ZNF738: variants seen among roughly 807,000 people sequenced by gnomAD.
ZNF738 encodes zinc finger protein 738, also known as protein ZNF738.
ZNF738 carries 10 observed loss-of-function variants against 9.2 expected under a neutral mutation model. The observed-to-expected ratio is 1.09, with a 90% CI of 0.67 to 1.85. ZNF738 has a LOEUF of 1.85. ZNF738 is among the 40% of genes most tolerant of loss of function. The pLI, the probability that ZNF738 is intolerant of heterozygous loss-of-function variation, is 0.00. For missense variants in ZNF738, 346 were observed against 283.6 expected (o/e 1.22, Z -1.58); for synonymous variants, 113 against 94.5 (o/e 1.20, Z -1.14).
chr19:21,363,554 A>G (rs1828062127), intron 2 of ZNF738, among the ~76,000 whole-genome samples: 1 of 152,168 alleles, frequency 6.6e-6, no homozygotes, highest in African/African-American at 2.4e-5. Context: ...GGCAGTTTCT[A>G]GACTTTGTAA....
intron 2 of ZNF738, among the ~76,000 whole-genome samples, chr19:21,362,534 A>G (rs1395246264): frequency 6.6e-6 from 1 of 152,184 alleles, no homozygotes; most frequent in Non-Finnish European, 1.5e-5. Flanking sequence ...TTGAAACGTG[A>G]GTCAGACACA....
rs764405024 is a variant in ZNF738 at position 21,361,720 on chromosome 19, T to TAG, written c.4-43_4-42dup. The stretch of plus-strand genomic sequence containing the variant: ...AGATATCTGCCATGGTTATGTCAGC[T>TAG]AGAGTGTCTAGTGGATATCAGCTTC... On this transcript the variant is annotated intron_variant, in intron 1 of 4. Transcript: ENST00000683779. The TAG allele has an allele frequency of 1.8e-4, 141 of 776,114 alleles. 2 individuals carry two copies. In the South Asian group the frequency reaches 1.9e-3, roughly 10 times the overall value. 48.1% of individuals were successfully genotyped at this position (776,114 alleles called of 1,614,324 possible). A position where few individuals can be genotyped will look rare whatever the true frequency, so the allele number is the denominator to read the frequency against.
intron 4 of ZNF738, chr19:21,381,518 G>T (rs1424612559): frequency 1.6e-5 from 14 of 865,392 alleles, no homozygotes; most frequent in Middle Eastern, 3.6e-4. Flanking sequence ...TTTCGAGATG[G>T]AGTCTCATTC....
In ZNF738 at chr19:21,388,505, CTAG is replaced by C. The variant is rs1339420857; in HGVS notation, c.*4837_*4839del. 6.6e-6 allele frequency among the ~76,000 whole-genome samples: 1 copy of C among 152,030 alleles called. No individual in the cohort carries two copies. Among genetic ancestry groups the C allele is most frequent in the Non-Finnish European group, 1.5e-5 (1 of 68,010 alleles). On this transcript the variant is annotated 3_prime_UTR_variant, in exon 5 of 5. Transcript: ENST00000683779. ...ATTGTTCTTTTGCATTATGAGAAAA[CTAG>C]TAGTATATTATTAGTATATTATTGT...
At chr19:21,369,029 T>C (rs10412054) in intron 2 of ZNF738, among the ~76,000 whole-genome samples, 5,575 of 152,182 alleles carry the variant, frequency 0.037, 335 homozygotes, top group African/African-American at 0.12. Flanking sequence ...TGAGCCACAG[T>C]GCCTGGCTTT....
At chr19:21,377,186 AG>A (rs1228433245) in intron 4 of ZNF738, among the ~76,000 whole-genome samples, 1 of 152,172 alleles carries the variant, frequency 6.6e-6, no homozygotes, top group East Asian at 1.9e-4. Flanking sequence ...ACGTGCCTGT[AG>A]TCCTAGCTAC....
At chr19:21,376,535 T>C (rs1204995118) in intron 4 of ZNF738, 1 of 152,662 alleles carries the variant, frequency 6.6e-6, no homozygotes, top group Admixed American at 6.6e-5. Context: ...TCAAAGTTTA[T>C]TGTAGTTTTT....
In ZNF738 at chr19:21,383,698, C is replaced by A; in HGVS notation, c.*24C>A. The A allele has an allele frequency of 1.0e-6, 1 of 997,586 alleles. No homozygotes were observed. The highest frequency in any genetic ancestry group is 1.6e-6 in the Non-Finnish European group (1 of 634,320). The allele number at this position is 997,586 out of a possible 1,614,324, so 61.8% of individuals were successfully genotyped here. On this transcript the variant is annotated 3_prime_UTR_variant, in exon 5 of 5. Coordinates refer to ENST00000683779, the MANE Select transcript of ZNF738 (RefSeq NM_001355237.2). ...AATGTGGCAAAGCCTTTAATGTATT[C>A]GCAACCCTTACTAGACATAAGATAA...
chr19:21,379,122 G>C (rs1184459327), intron 4 of ZNF738: 1 of 149,596 alleles, frequency 6.7e-6, no homozygotes, highest in Non-Finnish European at 1.5e-5. Context: ...CTTATTTCCA[G>C]TTTTCTGATT....
intron 2 of ZNF738, among the ~76,000 whole-genome samples, chr19:21,366,368 G>A (rs909634554): frequency 1.3e-5 from 2 of 152,122 alleles, no homozygotes; most frequent in African/African-American, 4.8e-5. Context: ...CGCTGTCTTA[G>A]GAGAGACTCT....
intron 2 of ZNF738, among the ~76,000 whole-genome samples, chr19:21,374,624 T>C (rs1461498508): frequency 6.6e-6 from 1 of 152,160 alleles, no homozygotes; most frequent in East Asian, 1.9e-4. Context: ...CAGCTGCCTT[T>C]CTTTCTTAGG....
At chr19:21,373,856 G>A (rs1255763151) in intron 2 of ZNF738, among the ~76,000 whole-genome samples, 1 of 150,666 alleles carries the variant, frequency 6.6e-6, no homozygotes, top group Non-Finnish European at 1.5e-5. Flanking sequence ...GATGCATTTA[G>A]TCCTTGCAAA....
Position 21,388,140 on chromosome 19 carries a change from AG to A in ZNF738, c.*4467del, listed in dbSNP as rs1253107843. ...ATCTAAAACTAAAGTTGATAGAAAA[AG>A]TATTTGTATATAAATTTAAGAGGAG... is the stretch of plus-strand genomic sequence containing the variant. On this transcript the variant is annotated 3_prime_UTR_variant, in exon 5 of 5. Transcript: ENST00000683779. 6.6e-6 allele frequency among the ~76,000 whole-genome samples: 1 copy of A among 152,184 alleles called. No homozygotes were observed. Among genetic ancestry groups the A allele is most frequent in the African/African-American group, 2.4e-5 (1 of 41,462 alleles).
intron 4 of ZNF738, among the ~76,000 whole-genome samples, chr19:21,376,748 A>G (rs549919297): frequency 6.6e-6 from 1 of 152,136 alleles, no homozygotes; most frequent in Non-Finnish European, 1.5e-5. Flanking sequence ...GTTTTATTAA[A>G]AAATTGGATT....
chr19:21,367,942 C>T (rs917678857), intron 2 of ZNF738, among the ~76,000 whole-genome samples: 2 of 152,248 alleles, frequency 1.3e-5, no homozygotes, highest in Non-Finnish European at 2.9e-5. Context: ...AACCTGTTTT[C>T]TCCATCTACC....
rs886132296 is a variant in ZNF738, at chr19:21,363,080, G to A, written c.96+1222G>A. Among the ~76,000 whole-genome samples, 16 of 152,214 alleles carry A rather than the reference G, an allele frequency of 1.1e-4. 1 individual carries two copies. In the East Asian group the frequency reaches 3.1e-3, roughly 29 times the overall value. On this transcript the variant is annotated intron_variant, in intron 2 of 4. Transcript: ENST00000683779. ...ATGAAACTTGGTATTGCCTGGAAGT[G>A]TTTCCATATGACTAAATGTTTGCTG... is the stretch of plus-strand genomic sequence containing the variant.
intron 2 of ZNF738, among the ~76,000 whole-genome samples, chr19:21,366,245 T>C (rs1973776968): frequency 6.6e-6 from 1 of 152,202 alleles, no homozygotes; most frequent in Non-Finnish European, 1.5e-5. Context: ...GAGACTTTAC[T>C]GAGAGCGGTC....
Position 21,383,532 on chromosome 19 carries a change from C to T in ZNF738, c.986C>T (p.Ser329Leu), listed in dbSNP as rs548221028. 249 of 952,986 alleles carry T rather than the reference C, an allele frequency of 2.6e-4. No individual in the cohort carries two copies. The highest frequency in any genetic ancestry group is 1.4e-3 in the South Asian group (111 of 78,116). The allele number at this position is 952,986 out of a possible 1,614,324, so 59.0% of individuals were successfully genotyped here. Residue 329 changes from serine to leucine, a missense_variant, in exon 5 of 5, where the codon TCA becomes TTA. By Grantham distance (145) the Ser-to-Leu change is moderately radical. Transcript: ENST00000683779. The part of the protein sequence containing the change: ...EGCGKAFCQF[S>L]YLTKHKIIHT... ...TGTGGCAAAGCTTTCTGCCAATTCTCATACCTTACTAAACATAAGATAATT... is the reference window on the plus strand; with the variant it reads ...TGTGGCAAAGCTTTCTGCCAATTCTTATACCTTACTAAACATAAGATAATT...
At chr19:21,363,291 A>T (rs1047515814) in intron 2 of ZNF738, among the ~76,000 whole-genome samples, 7 of 152,366 alleles carry the variant, frequency 4.6e-5, no homozygotes, top group Admixed American at 4.6e-4. Flanking sequence ...AGCAACTCTA[A>T]CATGGAAATT....
Sources: gnomAD v4.1 joint callset for allele counts (sites outside exome capture counted in the v4.1 genomes callset) on GRCh38, gnomAD v4.1.1 for gene constraint, MANE v1.5 for transcripts, NCBI Gene and HGNC (gene_info 2026-07-23, HGNC 2026-07-21) for gene names.